The following XDH variants were observed in gnomAD, a reference collection of about 807,000 sequenced individuals.
XDH encodes xanthine dehydrogenase/oxidase.
In XDH, 138 loss-of-function variants were observed where a neutral mutation model predicts 156.1. The ratio of observed to expected loss-of-function variants is 0.88; its 90% CI spans 0.77 to 1.02. The LOEUF is 1.02. Ranked by LOEUF, XDH falls within the 50% of genes least tolerant of loss-of-function variation. XDH has a pLI of 0.00. For synonymous variants in XDH, 669 were observed against 625.7 expected (o/e 1.07, Z -1.03); for missense variants, 1,849 against 1,684.9 (o/e 1.10, Z -1.71).
In XDH at chr2:31,375,404, C is replaced by T. The variant is rs773110079; in HGVS notation, c.1578G>A (p.Lys526=). ...CGTCTTCCAGGTTCTCTTGGCCCAG[C>T]TTCTGAAGGACTGTCAGGTAGAACT... ...FFKFYLTVLQ[K]LGQENLEDKC... is the part of the protein sequence containing the mutation. Residue 526 remains lysine, a synonymous_variant, in exon 15 of 36, where the codon AAG becomes AAA. Coordinates refer to ENST00000379416, the MANE Select transcript of XDH (RefSeq NM_000379.4). The T allele has an allele frequency of 3.7e-6, 6 of 1,614,086 alleles. No individual in the cohort carries two copies. In the African/African-American group the frequency reaches 6.7e-5, roughly 18 times the overall value.
At chr2:31,348,754 A>C (rs1366131308) in intron 27 of XDH, 145 bp downstream of exon 27, 1 of 750,430 alleles carries the variant, frequency 1.3e-6, no homozygotes, top group African/African-American at 1.7e-5. Flanking sequence ...GGACTGTGCA[A>C]GTTCGACTTT....
chr2:31,364,431 C>T (rs1685855397), intron 23 of XDH, among the ~76,000 whole-genome samples, 187 bp from the exon 24 acceptor site: 1 of 152,054 alleles, frequency 6.6e-6, no homozygotes, highest in African/African-American at 2.4e-5. Context: ...GAGGAACTGA[C>T]CTCTCCCCAG....
intron 1 of XDH, among the ~76,000 whole-genome samples, chr2:31,408,002 G>A (rs781749392): frequency 1.3e-5 from 2 of 151,932 alleles, no homozygotes; most frequent in African/African-American, 2.4e-5. Flanking sequence ...CATTTCTCCC[G>A]TACTGCAGTT....
chr2:31,355,601 C>T (rs1685602167), intron 24 of XDH, among the ~76,000 whole-genome samples: 1 of 151,678 alleles, frequency 6.6e-6, no homozygotes, highest in Non-Finnish European at 1.5e-5. Flanking sequence ...TAACATAATA[C>T]CTTGAACAAT....
intron 9 of XDH, among the ~76,000 whole-genome samples, chr2:31,386,196 C>A (rs1686587476): frequency 6.6e-6 from 1 of 152,214 alleles, no homozygotes; most frequent in African/African-American, 2.4e-5. Context: ...GGTCACACAT[C>A]CAGCAAGGGG....
intron 24 of XDH, among the ~76,000 whole-genome samples, chr2:31,356,084 T>C (rs1275418825): frequency 6.6e-6 from 1 of 152,112 alleles, no homozygotes; most frequent in African/African-American, 2.4e-5. Flanking sequence ...GCAATACTAA[T>C]TGTGTCTGCC....
chr2:31,370,953 C>T (rs1042883703), intron 17 of XDH, among the ~76,000 whole-genome samples: 8 of 152,212 alleles, frequency 5.3e-5, no homozygotes, highest in Non-Finnish European at 7.3e-5. Context: ...TACTCTGGAG[C>T]GCTCTGGCTC....
At chr2:31,396,059 G>C (rs1424299013) in intron 6 of XDH, among the ~76,000 whole-genome samples, 3 of 152,160 alleles carry the variant, frequency 2.0e-5, no homozygotes, top group Non-Finnish European at 4.4e-5. Context: ...TGTTAGAGCT[G>C]TGTGTAAAAT....
Position 31,375,028 on chromosome 2 carries a change from T to TTC in XDH, c.1602+351_1602+352insGA, listed in dbSNP as rs1249525722. On this transcript the variant is annotated intron_variant, in intron 15 of 35. Transcript: ENST00000379416. ...CTTTCTTTCTTTCTTTCTTTCTTTTTTTTTTTTTTTTTTTGAGACAGAGTT... is the reference window on the plus strand; with the variant it reads ...CTTTCTTTCTTTCTTTCTTTCTTTTTTCTTTTTTTTTTTTTTGAGACAGAGTT... Among the ~76,000 whole-genome samples the TTC allele has an allele frequency of 3.5e-5, 5 of 140,960 alleles. No homozygotes were observed. The East Asian group carries it at 6.1e-4, about 17-fold the overall frequency. 92.5% of individuals were successfully genotyped at this position (140,960 alleles called of 152,430 possible).
At chr2:31,401,469 T>G (rs1687059187) in intron 3 of XDH, 141 bp from the exon 4 acceptor site, 1 of 891,416 alleles carries the variant, frequency 1.1e-6, no homozygotes, top group Non-Finnish European at 1.8e-6. Flanking sequence ...CTTCTACCAG[T>G]GTCCTCACCT....
At chr2:31,361,775 A>G (rs189785303) in intron 24 of XDH, among the ~76,000 whole-genome samples, 1 of 152,308 alleles carries the variant, frequency 6.6e-6, no homozygotes, top group African/African-American at 2.4e-5. Context: ...CAGATCCTCA[A>G]TATGTTTTGA....
chr2:31,386,888 T>A (rs1213571053), intron 8 of XDH, among the ~76,000 whole-genome samples: 1 of 143,636 alleles, frequency 7.0e-6, no homozygotes, highest in Non-Finnish European at 1.5e-5. Flanking sequence ...CAGTGCCCCA[T>A]AATATCTCCA....
intron 10 of XDH, 91 bp downstream of exon 10, chr2:31,383,664 T>G (rs912751904): frequency 4.8e-6 from 6 of 1,250,340 alleles, no homozygotes; most frequent in South Asian, 1.3e-5. Context: ...CCAGAGCCAG[T>G]GGGGAGACCA....
intron 8 of XDH, 92 bp from the exon 9 acceptor site, chr2:31,386,647 C>T (rs1034928130): frequency 7.1e-5 from 109 of 1,526,034 alleles, no homozygotes; most frequent in Non-Finnish European, 9.3e-5. Context: ...GGATGTTTTA[C>T]TGACATTCAG....
At chr2:31,338,664 G>A (rs143803644) in intron 34 of XDH, among the ~76,000 whole-genome samples, 1 of 148,728 alleles carries the variant, frequency 6.7e-6, no homozygotes, top group African/African-American at 2.5e-5. Flanking sequence ...CATACTTACT[G>A]CAGATAAGGA....
rs367949723 is a variant in XDH at position 31,383,165 on chromosome 2, G to A, written c.887-13C>T. 49 of 1,613,998 alleles carry A rather than the reference G, an allele frequency of 3.0e-5. No homozygotes were observed. The highest frequency in any genetic ancestry group is 3.3e-5 in the Non-Finnish European group (39 of 1,179,996). ...CCAAAGGAGATACCTGGGAACGCAC[G>A]TTCGGAATCACAGCAATTCTTCCCA... On this transcript the variant is annotated splice_polypyrimidine_tract_variant and intron_variant, in intron 10 of 35. Transcript: ENST00000379416.
intron 28 of XDH, 41 bp from the exon 29 acceptor site, chr2:31,347,691 T>C (rs1419454043): frequency 2.5e-6 from 4 of 1,601,044 alleles, no homozygotes; most frequent in African/African-American, 1.3e-5. Context: ...GAAGGGGTTA[T>C]CATGGGGCTT....
rs913446147 is a variant in XDH, at chr2:31,368,733, A to C, written c.1981-73T>G. On this transcript the variant is annotated intron_variant, in intron 18 of 35. Transcript: ENST00000379416. ...AAACAAATTATTTTTGGATTGTTCA[A>C]AAAGCCAAAAGAAGTCCCTGCCCTC... 5.0e-5 allele frequency: 80 copies of C among 1,613,264 alleles called. 1 individual carries two copies. The highest frequency in any genetic ancestry group is 6.6e-5 in the Non-Finnish European group (78 of 1,179,826).
At chr2:31,360,404 G>C (rs897800471) in intron 24 of XDH, among the ~76,000 whole-genome samples, 12 of 152,154 alleles carry the variant, frequency 7.9e-5, no homozygotes, top group African/African-American at 2.9e-4. Flanking sequence ...GGGAGGCTGA[G>C]GCAGGAGAAT....
Sources: gnomAD v4.1 joint callset for allele counts (sites outside exome capture counted in the v4.1 genomes callset) on GRCh38, gnomAD v4.1.1 for gene constraint, MANE v1.5 for transcripts, NCBI Gene and HGNC (gene_info 2026-07-23, HGNC 2026-07-21) for gene names.